CIROP: variants seen among roughly 807,000 people sequenced by gnomAD.
CIROP encodes the protein ciliated left-right organizer metallopeptidase, also known as leishmanolysin homolog.
chr14:23,102,012 GAC>G, the CIROP span: 7 of 700,802 alleles, frequency 1.0e-5, no homozygotes, highest in South Asian at 7.4e-5. Context: ...ATCAGCAACA[GAC>G]ACCCCTCCAG....
the CIROP span, chr14:23,101,956 C>G: frequency 1.9e-5 from 13 of 701,240 alleles, no homozygotes; most frequent in Middle Eastern, 3.3e-4. Flanking sequence ...GCAAATGAAG[C>G]CCAAACATCC....
chr14:23,102,593 T>C, the CIROP span: 4 of 702,804 alleles, frequency 5.7e-6, no homozygotes, highest in Non-Finnish European at 1.0e-5. Flanking sequence ...CTCTGGTTGA[T>C]GGTGGAAAGT....
the CIROP span, chr14:23,103,619 A>G: frequency 2.9e-6 from 2 of 681,024 alleles, no homozygotes; most frequent in Non-Finnish European, 5.4e-6. Flanking sequence ...AACCCTCCTC[A>G]TGAGATTTAA....
chr14:23,103,799 C>G, the CIROP span: 1 of 702,488 alleles, frequency 1.4e-6, no homozygotes, highest in South Asian at 1.5e-5. Flanking sequence ...GGCATAACCG[C>G]GAAGATGGGT....
the CIROP span, chr14:23,101,035 C>T: frequency 1.8e-5 from 7 of 399,278 alleles, 1 homozygote; most frequent in Non-Finnish European, 2.6e-5. Context: ...TAGTCTGACA[C>T]AGCCGACCCC....
At chr14:23,102,741 G>C in the CIROP span, 7 of 702,866 alleles carry the variant, frequency 1.0e-5, no homozygotes, top group Non-Finnish European at 1.6e-5. Context: ...CCCAGTAAGG[G>C]GGCCGAATTT....
the CIROP span, chr14:23,104,853 C>T: frequency 1.4e-6 from 1 of 701,314 alleles, no homozygotes; most frequent in Non-Finnish European, 2.6e-6. Flanking sequence ...ATCATGTAGA[C>T]ATCGGCTTGC....
At chr14:23,102,493 C>T in the CIROP span, 2 of 700,106 alleles carry the variant, frequency 2.9e-6, no homozygotes, top group South Asian at 3.0e-5. Flanking sequence ...TCTCTAACTG[C>T]AGAAAGGGAA....
the CIROP span, chr14:23,102,189 C>T: frequency 2.8e-6 from 2 of 702,888 alleles, no homozygotes; most frequent in African/African-American, 1.7e-5. Context: ...GTCGAGTGCG[C>T]TGGGCTCCAT....
chr14:23,101,504 T>A, the CIROP span: 1 of 620,136 alleles, frequency 1.6e-6, no homozygotes, highest in Non-Finnish European at 2.9e-6. Context: ...GGATGGTAGA[T>A]CTCCCCATGG....
the CIROP span, chr14:23,102,648 G>T: frequency 1.4e-6 from 1 of 703,024 alleles, no homozygotes; most frequent in Non-Finnish European, 2.6e-6. Context: ...CTGAGGGGCA[G>T]TCTCGCCATT....
At chr14:23,104,886 GGCAGCAGCAGCAGCA>G in the CIROP span, 42,947 of 452,874 alleles carry the variant, frequency 0.095, 2,746 homozygotes, top group African/African-American at 0.34. Context: ...GACTAGTGGC[GGCAGCAGCAGCAGCA>G]GCAGCAGCAG....
the CIROP span, chr14:23,104,676 C>T: frequency 8.5e-6 from 6 of 702,988 alleles, no homozygotes; most frequent in Non-Finnish European, 1.6e-5. Context: ...CATCCCTTCT[C>T]CCTCAGGATC....
At chr14:23,104,364 T>C in the CIROP span, 2 of 702,142 alleles carry the variant, frequency 2.8e-6, no homozygotes, top group Non-Finnish European at 2.6e-6. Flanking sequence ...ATTACATACA[T>C]TGTCAACGAC....
the CIROP span, chr14:23,099,303 A>G: frequency 2.4e-6 from 1 of 413,444 alleles, no homozygotes; most frequent in Non-Finnish European, 4.4e-6. Context: ...TTATTCCTCT[A>G]ACTGGGACCC....
the CIROP span, chr14:23,104,149 C>G: frequency 1.7e-6 from 1 of 595,482 alleles, no homozygotes; most frequent in South Asian, 2.1e-5. Context: ...CCCTGGTGTA[C>G]TTATTTCTGG....
At chr14:23,100,806 T>C in the CIROP span, 1 of 398,840 alleles carries the variant, frequency 2.5e-6, no homozygotes, top group Admixed American at 4.4e-5. Context: ...GTAAAGGACT[T>C]AGGGATTCTC....
chr14:23,100,832 A>G, the CIROP span: 1 of 398,938 alleles, frequency 2.5e-6, no homozygotes, highest in Non-Finnish European at 4.4e-6. Flanking sequence ...CCCATTGTAT[A>G]AATACTCAAG....
the CIROP span, chr14:23,099,637 G>T: frequency 3.0e-4 from 111 of 372,484 alleles, no homozygotes; most frequent in Middle Eastern, 4.9e-3. Flanking sequence ...TTGGCTCACC[G>T]TAATCTCCGC....
Sources: gnomAD v4.1 joint callset for allele counts on GRCh38, gnomAD v4.1.1 for gene constraint, MANE v1.5 for transcripts, NCBI Gene and HGNC (gene_info 2026-07-23, HGNC 2026-07-21) for gene names.